SLC25A24: variants seen among roughly 807,000 people sequenced by gnomAD.
The protein encoded by SLC25A24 is mitochondrial adenyl nucleotide antiporter SLC25A24.
A neutral mutation model predicts 60.7 loss-of-function variants in SLC25A24; 49 were observed. The observed-to-expected ratio is 0.81, with a 90% CI of 0.64 to 1.02. SLC25A24 has a LOEUF of 1.02. Ranked by LOEUF, SLC25A24 falls within the 50% of genes least tolerant of loss-of-function variation. The probability of loss-of-function intolerance (pLI) is 0.00; values close to 1 mark genes in which losing one functional copy is unlikely to be tolerated. For missense variants in SLC25A24, 564 were observed against 586.3 expected (o/e 0.96, Z 0.39); for synonymous variants, 202 against 200.6 (o/e 1.01, Z -0.06).
chr1:108,157,194 AGAGAT>A (rs1369007777), intron 5 of SLC25A24, among the ~76,000 whole-genome samples: 1 of 152,230 alleles, frequency 6.6e-6, no homozygotes, highest in Non-Finnish European at 1.5e-5. Context: ...AACAATAGCT[AGAGAT>A]ATTTTTTGAA....
In SLC25A24 at chr1:108,139,078, C is replaced by A; in HGVS notation, c.1229G>T (p.Arg410Ile). Residue 410 changes from arginine to isoleucine, a missense_variant, in exon 9 of 10, where the codon AGA (arginine) becomes ATA (isoleucine). Coordinates refer to ENST00000565488, the MANE Select transcript of SLC25A24 (RefSeq NM_013386.5). Reference protein sequence around the residue: ...QLASYPLALVRTRMQAQAMLE... With the variant: ...QLASYPLALVITRMQAQAMLE... ...TTCACCTTGAGCCTGCATGCGAGTT[C>A]TCACCAAAGCCAATGGGTAGCTGGC... is the stretch of plus-strand genomic sequence containing the variant. The A allele has an allele frequency of 6.2e-7, 1 of 1,600,220 alleles. No homozygotes were observed. Among genetic ancestry groups the A allele is most frequent in the Non-Finnish European group, 8.5e-7 (1 of 1,174,172 alleles).
chr1:108,197,880 G>A (rs1449897332), intron 1 of SLC25A24, among the ~76,000 whole-genome samples: 2 of 152,246 alleles, frequency 1.3e-5, no homozygotes, highest in African/African-American at 4.8e-5. Flanking sequence ...AGCAGGAGGT[G>A]TCAGGGTTAC....
intron 5 of SLC25A24, among the ~76,000 whole-genome samples, chr1:108,155,714 C>T (rs565244629): frequency 1.3e-5 from 2 of 152,158 alleles, no homozygotes; most frequent in Admixed American, 1.3e-4. Flanking sequence ...ATTGCACCCT[C>T]TTTGGCATAT....
intron 4 of SLC25A24, among the ~76,000 whole-genome samples, chr1:108,158,864 G>T (rs186044399): frequency 2.0e-5 from 3 of 152,014 alleles, no homozygotes; most frequent in African/African-American, 7.2e-5. Context: ...TTAGCCAGGC[G>T]CAGTGGTGGG....
chr1:108,188,104 T>A (rs1648208894), intron 1 of SLC25A24, among the ~76,000 whole-genome samples: 1 of 151,696 alleles, frequency 6.6e-6, no homozygotes, highest in African/African-American at 2.4e-5. Context: ...AAGGCCATTA[T>A]CCTAAGCGAA....
Position 108,185,065 on chromosome 1 carries a change from A to C in SLC25A24, c.310+763T>G, listed in dbSNP as rs1056024357. On this transcript the variant is annotated intron_variant, in intron 2 of 9. Coordinates refer to ENST00000565488, the MANE Select transcript of SLC25A24 (RefSeq NM_013386.5). The stretch of plus-strand genomic sequence containing the variant: ...TGATGGGACTAGTGGCTTTTTAAGA[A>C]GAGGAAGAGAGATCTGAGGTAGTGC... Among the ~76,000 whole-genome samples, 18 of 152,284 alleles carry C rather than the reference A, an allele frequency of 1.2e-4. No homozygotes were observed. The East Asian group carries it at 3.5e-3, about 29-fold the overall frequency.
chr1:108,144,449 A>C (rs1452695149), intron 7 of SLC25A24, among the ~76,000 whole-genome samples: 1 of 152,134 alleles, frequency 6.6e-6, no homozygotes, highest in Non-Finnish European at 1.5e-5. Context: ...TAAAAATTGT[A>C]CTTTAAGTTC....
chr1:108,139,310 G>T, intron 8 of SLC25A24, 102 bp from the exon 9 acceptor site: 1 of 1,231,830 alleles, frequency 8.1e-7, no homozygotes, highest in Non-Finnish European at 1.1e-6. Context: ...CGTTTCTGCA[G>T]GATGAGGCCA....
Position 108,185,860 on chromosome 1 carries a change from A to T in SLC25A24, c.278T>A (p.Leu93Ter). 1.9e-6 allele frequency: 3 copies of T among 1,590,078 alleles called. No homozygotes were observed. Among genetic ancestry groups the T allele is most frequent in the Non-Finnish European group, 2.6e-6 (3 of 1,163,286 alleles). Reference protein sequence around the residue: ...YLKDHEKKMKLAFKSLDKNND... With the variant: ...YLKDHEKKMK ...ATTTTTGTCTAAACTCTTAAATGCC[A>T]ATTTCATTTTCTTCTCATGGTCTTT... is the stretch of plus-strand genomic sequence containing the variant. Residue 93 changes from leucine (L) to a stop codon, truncating the protein, a stop_gained, in exon 2 of 10, where the codon TTG becomes TAG. Coordinates refer to ENST00000565488, the MANE Select transcript of SLC25A24 (RefSeq NM_013386.5). LOFTEE classifies it high-confidence loss of function.
At chr1:108,170,520 T>G (rs1331003394) in intron 3 of SLC25A24, among the ~76,000 whole-genome samples, 1 of 152,168 alleles carries the variant, frequency 6.6e-6, no homozygotes, top group African/African-American at 2.4e-5. Flanking sequence ...AAAGTTTTTC[T>G]CTGCTTGACC....
intron 1 of SLC25A24, among the ~76,000 whole-genome samples, chr1:108,193,784 T>C (rs939250683): frequency 7.1e-6 from 1 of 139,984 alleles, no homozygotes; most frequent in African/African-American, 2.5e-5. Flanking sequence ...CTTCAGCTGT[T>C]AGTGGCTGGA....
chr1:108,189,814 C>CAAA (rs34977169), intron 1 of SLC25A24, among the ~76,000 whole-genome samples: 4 of 106,490 alleles, frequency 3.8e-5, no homozygotes, highest in Admixed American at 9.3e-5. Context: ...GACTCCATCT[C>CAAA]AAAAAAAAAA....
chr1:108,198,605 C>T (rs950179955), intron 1 of SLC25A24: 1 of 152,196 alleles, frequency 6.6e-6, no homozygotes. Context: ...GATGCAGTTA[C>T]GTAAAAATGG....
intron 8 of SLC25A24, among the ~76,000 whole-genome samples, chr1:108,140,059 A>G (rs1679403527): frequency 6.6e-6 from 1 of 152,210 alleles, no homozygotes; most frequent in Non-Finnish European, 1.5e-5. Flanking sequence ...CTTTTTAAAC[A>G]TAAGATACTT....
chr1:108,160,955 G>A (rs549313177), intron 4 of SLC25A24, among the ~76,000 whole-genome samples: 1 of 152,190 alleles, frequency 6.6e-6, no homozygotes, highest in East Asian at 1.9e-4. Flanking sequence ...AGAGGGAGAG[G>A]GAGACCGTGG....
At chr1:108,158,426 G>C (rs1679961592) in intron 4 of SLC25A24, among the ~76,000 whole-genome samples, 1 of 152,104 alleles carries the variant, frequency 6.6e-6, no homozygotes, top group Admixed American at 6.5e-5. Context: ...CAATAAAATG[G>C]AGATACAATT....
rs1429925660 is a variant in SLC25A24 at position 108,182,042 on chromosome 1, A to G, written c.311-14T>C. 4.0e-6 allele frequency: 6 copies of G among 1,491,814 alleles called. No individual in the cohort carries two copies. The highest frequency in any genetic ancestry group is 5.6e-6 in the Non-Finnish European group (6 of 1,070,750). 92.4% of individuals were successfully genotyped at this position (1,491,814 alleles called of 1,614,324 possible). Reference sequence around the variant, plus strand: ...CCTCAATTTTTCCTTTAAAAAAATAAAAAGGGCAAAAAATAAAACTCAGAA... The same window carrying G: ...CCTCAATTTTTCCTTTAAAAAAATAGAAAGGGCAAAAAATAAAACTCAGAA... On this transcript the variant is annotated splice_polypyrimidine_tract_variant and intron_variant, in intron 2 of 9. Coordinates refer to ENST00000565488, the MANE Select transcript of SLC25A24 (RefSeq NM_013386.5).
chr1:108,158,861 G>A (rs1679974811), intron 4 of SLC25A24, among the ~76,000 whole-genome samples: 1 of 152,036 alleles, frequency 6.6e-6, no homozygotes, highest in South Asian at 2.1e-4. Flanking sequence ...AAATTAGCCA[G>A]GCGCAGTGGT....
chr1:108,193,645 C>T (rs990696307), intron 1 of SLC25A24, among the ~76,000 whole-genome samples: 10 of 139,648 alleles, frequency 7.2e-5, no homozygotes, highest in Non-Finnish European at 1.6e-4. Context: ...TGGAGAATTG[C>T]TGTAATAAAG....
Sources: allele counts gnomAD v4.1 joint callset (sites outside exome capture counted in the v4.1 genomes callset), GRCh38; gene constraint gnomAD v4.1.1; transcripts MANE v1.5; gene names NCBI Gene and HGNC (gene_info 2026-07-23, HGNC 2026-07-21).